SMARCA4: variants seen among roughly 807,000 people sequenced by gnomAD.
The protein encoded by SMARCA4 is SWI/SNF related BAF chromatin remodeling complex subunit ATPase 4.
Under a neutral mutation model 193.9 loss-of-function variants are expected in SMARCA4, and 31 were observed. The ratio of observed to expected loss-of-function variants is 0.16; its 90% CI spans 0.12 to 0.22. SMARCA4 has a LOEUF of 0.22. Among genes scored for constraint, SMARCA4 ranks in the 10% least tolerant of loss-of-function variants. The pLI, the probability that SMARCA4 is intolerant of heterozygous loss-of-function variation, is 1.00. For synonymous variants in SMARCA4, 942 were observed against 933.1 expected, an observed-to-expected ratio of 1.01 and a Z score of -0.17; for missense variants, 1,148 against 2,296.0, an observed-to-expected ratio of 0.50 and a Z score of 10.22.
Position 11,024,318 on chromosome 19 carries a change from G to A in SMARCA4, c.2974-13G>A, listed in dbSNP as rs2090095696. The stretch of plus-strand genomic sequence containing the variant: ...CACCTTGGGCCCTCGTGAGCATTAT[G>A]TGTCCCCTGCAGGTGGAGTACGTCA... On this transcript the variant is annotated splice_polypyrimidine_tract_variant and intron_variant, in intron 20 of 34. Coordinates refer to ENST00000344626, the MANE Select transcript of SMARCA4 (RefSeq NM_003072.5). 1 of 1,591,306 alleles carries A rather than the reference G, an allele frequency of 6.3e-7. No individual in the cohort carries two copies. The highest frequency in any genetic ancestry group is 8.6e-7 in the Non-Finnish European group (1 of 1,159,948).
rs1445191944 is a variant in SMARCA4 at position 10,987,099 on chromosome 19, G to C, written c.859+96G>C. ...AGCTTTGTCAGGGAGAAAGGGCCGA[G>C]GGTGGTCAGGCTGAACTGCAGCCTG... is the stretch of plus-strand genomic sequence containing the variant. On this transcript the variant is annotated intron_variant, in intron 5 of 34. Transcript: ENST00000344626. This position sits in a 1 kb window ranked among gnomAD's most constrained non-coding sequence, Gnocchi z 5.3. The C allele has an allele frequency of 1.1e-6, 1 of 898,616 alleles. No homozygotes were observed. Among genetic ancestry groups the C allele is most frequent in the Non-Finnish European group, 1.8e-6 (1 of 560,936 alleles). The allele number at this position is 898,616 out of a possible 1,614,324, so 55.7% of individuals were successfully genotyped here. A position where few individuals can be genotyped will look rare whatever the true frequency, so the allele number is the denominator to read the frequency against.
At chr19:10,988,686 ACT>A (rs532599944) in intron 6 of SMARCA4, among the ~76,000 whole-genome samples, 1 of 151,644 alleles carries the variant, frequency 6.6e-6, no homozygotes, top group African/African-American at 2.4e-5. Context: ...ACTTCCAGCC[ACT>A]CTCTGGAATT....
intron 30 of SMARCA4, among the ~76,000 whole-genome samples, chr19:11,051,788 C>G (rs904625799): frequency 6.6e-6 from 1 of 151,912 alleles, no homozygotes; most frequent in South Asian, 2.1e-4. Context: ...CATGTCCGGC[C>G]GGAAATGTTT....
chr19:11,024,296 C>T (rs2090092672), intron 20 of SMARCA4, 35 bp from the exon 21 acceptor site: 1 of 1,495,672 alleles, frequency 6.7e-7, no homozygotes, highest in Non-Finnish European at 9.3e-7. Flanking sequence ...CTCAAGCCAC[C>T]TTGGGCCCTC....
intron 30 of SMARCA4, among the ~76,000 whole-genome samples, chr19:11,052,332 G>A (rs1338915544): frequency 1.3e-5 from 2 of 152,142 alleles, no homozygotes; most frequent in African/African-American, 4.8e-5. Flanking sequence ...AGGCCAACGC[G>A]GGAAAATCAC....
rs548456029 is a variant in SMARCA4 at position 11,003,124 on chromosome 19, C to T, written c.1908C>T (p.Ala636=). Residue 636 remains alanine, a synonymous_variant, in exon 12 of 35, where the codon GCC becomes GCT. Coordinates refer to ENST00000344626, the MANE Select transcript of SMARCA4 (RefSeq NM_003072.5). ...TCACAGGCACAGATGCCCCCAAAGCCGGGCAGCTGGAGGCCTGGCTCGAGA... is the reference window on the plus strand; with the variant it reads ...TCACAGGCACAGATGCCCCCAAAGCTGGGCAGCTGGAGGCCTGGCTCGAGA... ...KILTGTDAPK[A]GQLEAWLEMN... is the part of the protein sequence containing the mutation. The T allele has an allele frequency of 1.5e-5, 24 of 1,614,120 alleles. No homozygotes were observed. Among genetic ancestry groups the T allele is most frequent in the South Asian group, 8.8e-5 (8 of 91,074 alleles).
intron 7 of SMARCA4, among the ~76,000 whole-genome samples, chr19:10,990,180 G>T (rs2086433521): frequency 6.6e-6 from 1 of 151,468 alleles, no homozygotes; most frequent in African/African-American, 2.4e-5. Context: ...TTGAAACAGA[G>T]TCTCACTCTG....
chr19:11,057,541 C>T (rs2076613420), intron 30 of SMARCA4, among the ~76,000 whole-genome samples: 1 of 152,028 alleles, frequency 6.6e-6, no homozygotes, highest in Non-Finnish European at 1.5e-5. Context: ...CCATCCTGAC[C>T]AACATGGTGA....
At chr19:10,964,785 T>A (rs1016767700) in intron 1 of SMARCA4, among the ~76,000 whole-genome samples, 1 of 152,052 alleles carries the variant, frequency 6.6e-6, no homozygotes, top group Admixed American at 6.6e-5. Context: ...GCCCAGCTAA[T>A]TTTTGTATTT....
chr19:11,058,747 CG>C lies in SMARCA4; in HGVS notation c.4534-37del, dbSNP rs746796648. 7 of 1,544,668 alleles carry C rather than the reference CG, an allele frequency of 4.5e-6. No individual in the cohort carries two copies. Among genetic ancestry groups the C allele is most frequent in the East Asian group, 2.2e-5 (1 of 44,546 alleles). On this transcript the variant is annotated intron_variant, in intron 31 of 34. Coordinates refer to ENST00000344626, the MANE Select transcript of SMARCA4 (RefSeq NM_003072.5). This position sits in a 1 kb window ranked among gnomAD's most constrained non-coding sequence, Gnocchi z 5.8. ...CAGCCAGGCCTGCGGGCAGGCGAGG[CG>C]GGGTCCTGAGGTAAGACCTGCTCCT...
intron 1 of SMARCA4, among the ~76,000 whole-genome samples, chr19:10,979,288 G>A (rs1429279241): frequency 6.6e-6 from 1 of 152,136 alleles, no homozygotes; most frequent in Non-Finnish European, 1.5e-5. Flanking sequence ...TTCACCAAAT[G>A]ACTCTCATAG....
intron 13 of SMARCA4, among the ~76,000 whole-genome samples, chr19:11,005,467 T>C (rs1399703985): frequency 6.6e-6 from 1 of 152,218 alleles, no homozygotes; most frequent in Non-Finnish European, 1.5e-5. Flanking sequence ...TGCTGATGGT[T>C]CAGTTGTATG....
At position 11,034,885 on chromosome 19, in the gene SMARCA4, G is replaced by T. The variant is rs1843935261; in HGVS notation, c.3952-29G>T. The T allele has an allele frequency of 1.4e-6, 2 of 1,480,086 alleles. No homozygotes were observed. The highest frequency in any genetic ancestry group is 1.4e-5 in the African/African-American group (1 of 71,812). The allele number at this position is 1,480,086 out of a possible 1,614,324, so 91.7% of individuals were successfully genotyped here. ...GTGCCCCTGGTGCCTGCATGCTGAT[G>T]CCTCTCCCGTTGCCTCCCTGCCCAC... On this transcript the variant is annotated intron_variant, in intron 28 of 34. Transcript: ENST00000344626. This position sits in a 1 kb window ranked among gnomAD's most constrained non-coding sequence, Gnocchi z 7.0.
At chr19:10,966,039 A>G (rs188765709) in intron 1 of SMARCA4, among the ~76,000 whole-genome samples, 5 of 140,458 alleles carry the variant, frequency 3.6e-5, no homozygotes, top group East Asian at 4.3e-4. Context: ...CTGGAGCACA[A>G]TGATGCGGTC....
chr19:11,049,036 C>T (rs2076107896), intron 30 of SMARCA4, among the ~76,000 whole-genome samples: 1 of 152,146 alleles, frequency 6.6e-6, no homozygotes, highest in Non-Finnish European at 1.5e-5. Context: ...CTGGAGTGTT[C>T]TGTGGTACCA....
chr19:11,027,569 A>T (rs1261511809), intron 23 of SMARCA4, among the ~76,000 whole-genome samples: 1 of 152,146 alleles, frequency 6.6e-6, no homozygotes, highest in African/African-American at 2.4e-5. Context: ...CACCCTGGTG[A>T]TACGCCTCCC....
intron 11 of SMARCA4, among the ~76,000 whole-genome samples, chr19:10,999,517 G>T (rs2087422750): frequency 6.6e-6 from 1 of 152,064 alleles, no homozygotes; most frequent in Non-Finnish European, 1.5e-5. Context: ...AATTAGTTGG[G>T]TGTAGTGGCA....
intron 8 of SMARCA4, among the ~76,000 whole-genome samples, chr19:10,994,317 GGT>G (rs1491422407): frequency 1.5e-5 from 2 of 135,450 alleles, no homozygotes. Flanking sequence ...CGATATTCTA[GGT>G]TTTTTTTTTT....
At chr19:11,035,410 C>A (rs1194692267) in intron 29 of SMARCA4, among the ~76,000 whole-genome samples, 1 of 152,266 alleles carries the variant, frequency 6.6e-6, no homozygotes, top group Non-Finnish European at 1.5e-5. Flanking sequence ...GGGTTTACCT[C>A]TTCCCGAGGT....
Sources: gnomAD v4.1 joint callset for allele counts (sites outside exome capture counted in the v4.1 genomes callset) on GRCh38, gnomAD v4.1.1 for gene constraint, Gnocchi (gnomAD v3.1) non-coding constraint, MANE v1.5 for transcripts, NCBI Gene and HGNC (gene_info 2026-07-23, HGNC 2026-07-21) for gene names.